Variants in NOVA1 observed in about 807,000 individuals in gnomAD.
The protein encoded by NOVA1 is RNA-binding protein Nova-1.
A neutral mutation model predicts 38.0 loss-of-function variants in NOVA1; 7 were observed. The ratio of observed to expected loss-of-function variants is 0.18; its 90% CI spans 0.10 to 0.35. NOVA1 has a LOEUF of 0.35. NOVA1 is among the 10% of genes least tolerant of loss of function. The pLI is 1.00. For missense variants in NOVA1, 460 were observed against 616.0 expected (o/e 0.75, Z 2.68); for synonymous variants, 270 against 232.5 (o/e 1.16, Z -1.47).
At position 26,448,257 on chromosome 14, in the gene NOVA1, G is replaced by A; in HGVS notation, c.1226C>T (p.Ala409Val). The change falls in exon 5 of 5, where the codon GCC becomes GTC. Residue 409 changes from alanine to valine, a missense_variant. Transcript: ENST00000539517. This position sits in a 1 kb window ranked among gnomAD's most constrained non-coding sequence, Gnocchi z 5.3. ...FGAASPLAAS[A>V]ILGTEKSTDG... ...TGTGGACTTTTCTGTTCCTAGAATG[G>A]CACTGGCAGCTAGGGGAGAAGCAGC... 1 of 1,614,172 alleles carries A rather than the reference G, an allele frequency of 6.2e-7. No homozygotes were observed.
chr14:26,486,032 T>C (rs1594381012), intron 2 of NOVA1, among the ~76,000 whole-genome samples: 1 of 152,192 alleles, frequency 6.6e-6, no homozygotes, highest in Non-Finnish European at 1.5e-5. Context: ...AGATAATTTA[T>C]AGAGATAACT....
chr14:26,586,244 A>G (rs895417175), intron 2 of NOVA1, among the ~76,000 whole-genome samples: 1 of 151,400 alleles, frequency 6.6e-6, no homozygotes, highest in Non-Finnish European at 1.5e-5. Flanking sequence ...ATATTAGAAC[A>G]TAGTCCTTAA....
chr14:26,456,307 A>G (rs28523439), intron 4 of NOVA1, among the ~76,000 whole-genome samples: 3,243 of 152,094 alleles, frequency 0.021, 110 homozygotes, highest in African/African-American at 0.074. Flanking sequence ...TATCCATTTT[A>G]AGCTTAAAAT....
chr14:26,560,838 A>G (rs185658010), intron 2 of NOVA1, among the ~76,000 whole-genome samples: 1 of 152,196 alleles, frequency 6.6e-6, no homozygotes, highest in African/African-American at 2.4e-5. Flanking sequence ...AGTTTTAACC[A>G]TCTCTGGCTC....
rs1894314455 is a variant in NOVA1, at chr14:26,597,937, G to A, written c.-501C>T. On this transcript the variant is annotated 5_prime_UTR_variant, in exon 1 of 5. Coordinates refer to ENST00000539517, the MANE Select transcript of NOVA1 (RefSeq NM_002515.3). ...GAGGAGCGAGCGGCAGAGGAGGGCAGGAGCCGGGAAGGAGCGCGGCGGTCC... is the reference window on the plus strand; with the variant it reads ...GAGGAGCGAGCGGCAGAGGAGGGCAAGAGCCGGGAAGGAGCGCGGCGGTCC... 1.3e-5 allele frequency among the ~76,000 whole-genome samples: 2 copies of A among 151,680 alleles called. No homozygotes were observed. The highest frequency in any genetic ancestry group is 2.4e-5 in the African/African-American group (1 of 41,334).
chr14:26,535,410 T>C (rs1210502414), intron 2 of NOVA1, among the ~76,000 whole-genome samples: 1 of 152,108 alleles, frequency 6.6e-6, no homozygotes, highest in Non-Finnish European at 1.5e-5. Context: ...AATGTAGCAA[T>C]ATACCAGAAT....
At chr14:26,561,158 G>GATTA (rs946211974) in intron 2 of NOVA1, among the ~76,000 whole-genome samples, 3 of 152,108 alleles carry the variant, frequency 2.0e-5, no homozygotes, top group Non-Finnish European at 4.4e-5. Flanking sequence ...AGCTCAGGTG[G>GATTA]TAATGCTAGC....
intron 2 of NOVA1, among the ~76,000 whole-genome samples, chr14:26,555,458 A>T (rs2138660768): frequency 6.6e-6 from 1 of 152,244 alleles, no homozygotes; most frequent in South Asian, 2.1e-4. Flanking sequence ...ATCCTAAATT[A>T]TGACATGTAT....
At chr14:26,505,335 T>C (rs1887566994) in intron 2 of NOVA1, among the ~76,000 whole-genome samples, 1 of 152,008 alleles carries the variant, frequency 6.6e-6, no homozygotes, top group Admixed American at 6.6e-5. Flanking sequence ...GGGGGCAGTT[T>C]CCCCCATGCT....
intron 2 of NOVA1, among the ~76,000 whole-genome samples, chr14:26,490,180 A>G (rs951989904): frequency 6.6e-6 from 1 of 152,182 alleles, no homozygotes; most frequent in Non-Finnish European, 1.5e-5. Flanking sequence ...GCATATCTCA[A>G]AAATTCATTC....
intron 2 of NOVA1, among the ~76,000 whole-genome samples, chr14:26,484,227 G>T (rs1323157365): frequency 6.6e-6 from 1 of 151,720 alleles, no homozygotes; most frequent in Non-Finnish European, 1.5e-5. Flanking sequence ...GAGGCCAGAA[G>T]ATCGAGGCCA....
At chr14:26,461,941 AAAAAAC>A (rs1426292968) in intron 4 of NOVA1, among the ~76,000 whole-genome samples, 2 of 25,570 alleles carry the variant, frequency 7.8e-5, no homozygotes, top group East Asian at 1.2e-3. Context: ...ACTCCGTCTC[AAAAAAC>A]AAAAACAAAA....
chr14:26,476,877 G>A (rs974251302), intron 3 of NOVA1, among the ~76,000 whole-genome samples: 9 of 151,118 alleles, frequency 6.0e-5, no homozygotes, highest in Non-Finnish European at 1.3e-4. Flanking sequence ...CACCACACCC[G>A]GCTAATTTTG....
At chr14:26,455,772 A>C (rs1202765444) in intron 4 of NOVA1, among the ~76,000 whole-genome samples, 1 of 152,038 alleles carries the variant, frequency 6.6e-6, no homozygotes, top group Non-Finnish European at 1.5e-5. Flanking sequence ...ATTCCTGTTG[A>C]GATGATGAGC....
intron 4 of NOVA1, among the ~76,000 whole-genome samples, chr14:26,454,893 T>C (rs1005521208): frequency 1.4e-4 from 21 of 152,270 alleles, no homozygotes; most frequent in African/African-American, 4.1e-4. Context: ...CTCCACTTAG[T>C]AGCATCCAGT....
intron 3 of NOVA1, among the ~76,000 whole-genome samples, chr14:26,478,019 A>G (rs1400266077): frequency 6.6e-6 from 1 of 152,034 alleles, no homozygotes; most frequent in East Asian, 1.9e-4. Context: ...TTAAATAACC[A>G]ACAATACTTC....
intron 2 of NOVA1, among the ~76,000 whole-genome samples, chr14:26,546,534 T>C (rs1890798612): frequency 6.6e-6 from 1 of 152,208 alleles, no homozygotes; most frequent in Non-Finnish European, 1.5e-5. Flanking sequence ...TTCTTTAAAA[T>C]TAGTTTAAAT....
rs145640664 is a variant in NOVA1, at chr14:26,453,006, G to C, written c.520-4043C>G. 4.5e-3 allele frequency among the ~76,000 whole-genome samples: 690 copies of C among 152,130 alleles called. 6 individuals are homozygous for C. The highest frequency in any genetic ancestry group is 0.016 in the African/African-American group (657 of 41,514). On this transcript the variant is annotated intron_variant, in intron 4 of 4. Transcript: ENST00000539517. ...AGTTTAACTGGAAAAAGAAAGAATA[G>C]GTAAGAAAATCCTCTAGAGATGAAG...
rs1432945858 is a variant in NOVA1 at position 26,443,955 on chromosome 14, C to T, written c.*4004G>A. The T allele has an allele frequency of 6.6e-6, 1 of 151,984 alleles. No individual in the cohort carries two copies. Among genetic ancestry groups the T allele is most frequent in the East Asian group, 1.9e-4 (1 of 5,160 alleles). The allele number at this position is 151,984 out of a possible 1,614,324, so 9.4% of individuals were successfully genotyped here. ...GGGGTATTAAATTATATTTTCATCT[C>T]TCAATTGCTGCCTTCGAAAGCAAGA... is the stretch of plus-strand genomic sequence containing the variant. On this transcript the variant is annotated 3_prime_UTR_variant, in exon 5 of 5. Coordinates refer to ENST00000539517, the MANE Select transcript of NOVA1 (RefSeq NM_002515.3).
Sources: allele counts gnomAD v4.1 joint callset (sites outside exome capture counted in the v4.1 genomes callset), GRCh38; gene constraint gnomAD v4.1.1; non-coding constraint Gnocchi (gnomAD v3.1); transcripts MANE v1.5; gene names NCBI Gene and HGNC (gene_info 2026-07-23, HGNC 2026-07-21).